The following PTPRN2 variants were observed in gnomAD, a reference collection of about 807,000 sequenced individuals.
PTPRN2 encodes receptor-type tyrosine-protein phosphatase N2.
Under a neutral mutation model 118.8 loss-of-function variants are expected in PTPRN2, and 74 were observed. That is an observed-to-expected ratio of 0.62 (90% confidence interval 0.52 to 0.76). PTPRN2 has a LOEUF of 0.76. Ranked by LOEUF, PTPRN2 falls within the 30% of genes least tolerant of loss-of-function variation. The probability of loss-of-function intolerance (pLI) is 0.00; values close to 1 mark genes in which losing one functional copy is unlikely to be tolerated. For missense variants in PTPRN2, 1,481 were observed against 1,394.4 expected (o/e 1.06, Z -0.99); for synonymous variants, 641 against 608.0 (o/e 1.05, Z -0.80).
At chr7:158,468,065 A>T (rs1346384481) in intron 2 of PTPRN2, among the ~76,000 whole-genome samples, 1 of 152,200 alleles carries the variant, frequency 6.6e-6, no homozygotes, top group Non-Finnish European at 1.5e-5. Context: ...TATAAGCAAA[A>T]ATTGTGGCAT....
At chr7:158,100,844 T>C (rs1815175185) in intron 10 of PTPRN2, among the ~76,000 whole-genome samples, 1 of 152,204 alleles carries the variant, frequency 6.6e-6, no homozygotes, top group Non-Finnish European at 1.5e-5. Context: ...CTCTTTGGGT[T>C]GTCTGTATAC....
At chr7:157,742,495 T>C (rs1800693022) in intron 12 of PTPRN2, among the ~76,000 whole-genome samples, 1 of 152,140 alleles carries the variant, frequency 6.6e-6, no homozygotes, top group South Asian at 2.1e-4. Flanking sequence ...TTTTTTTTTT[T>C]TTTTCCAGAA....
At chr7:157,561,691 TC>T (rs1450088847) in intron 21 of PTPRN2, among the ~76,000 whole-genome samples, 1 of 152,250 alleles carries the variant, frequency 6.6e-6, no homozygotes, top group Non-Finnish European at 1.5e-5. Flanking sequence ...TGAAAAGCTT[TC>T]TGTGGGTCCT....
chr7:157,889,984 G>A (rs1796706031), intron 12 of PTPRN2, among the ~76,000 whole-genome samples: 1 of 152,010 alleles, frequency 6.6e-6, no homozygotes, highest in Non-Finnish European at 1.5e-5. Flanking sequence ...TAAGTTTAGA[G>A]TTCTCAAAAT....
rs552028532 is a variant in PTPRN2 at position 157,751,670 on chromosome 7, C to T, written c.1789-68733G>A. ...CTGTTTAATTGAGGTTACTCTGCAC[C>T]GCTGACACGCGGTGGAAAGCCCGAC... On this transcript the variant is annotated intron_variant, in intron 12 of 22. Coordinates refer to ENST00000389418, the MANE Select transcript of PTPRN2 (RefSeq NM_002847.5). 2.4e-4 allele frequency among the ~76,000 whole-genome samples: 37 copies of T among 152,130 alleles called. No homozygotes were observed. In the East Asian group the frequency reaches 2.7e-3, roughly 11 times the overall value.
intron 1 of PTPRN2, among the ~76,000 whole-genome samples, chr7:158,501,900 C>A (rs1435080715): frequency 6.6e-6 from 1 of 152,202 alleles, no homozygotes; most frequent in Non-Finnish European, 1.5e-5. Flanking sequence ...CAGCTCACAT[C>A]GTGGCTTCTA....
At chr7:157,975,422 G>A (rs999462026) in intron 11 of PTPRN2, among the ~76,000 whole-genome samples, 2 of 152,126 alleles carry the variant, frequency 1.3e-5, no homozygotes, top group Non-Finnish European at 2.9e-5. Context: ...GTCGGCTCAG[G>A]TCACCATTGT....
intron 11 of PTPRN2, among the ~76,000 whole-genome samples, chr7:158,076,653 C>A (rs557849749): frequency 2.0e-5 from 3 of 152,210 alleles, no homozygotes; most frequent in Non-Finnish European, 4.4e-5. Flanking sequence ...GCACACTGGA[C>A]CCCACATCCA....
chr7:158,213,050 T>C (rs753528265), intron 3 of PTPRN2, among the ~76,000 whole-genome samples: 10 of 152,226 alleles, frequency 6.6e-5, no homozygotes, highest in African/African-American at 2.2e-4. Flanking sequence ...AATTTGTACA[T>C]GTTAGATCTT....
At chr7:157,565,992 G>A (rs540637350) in intron 21 of PTPRN2, among the ~76,000 whole-genome samples, 2 of 152,276 alleles carry the variant, frequency 1.3e-5, no homozygotes, top group Middle Eastern at 3.4e-3. Context: ...CTGCATCATC[G>A]TCTACTTGCT....
At chr7:158,016,833 T>G (rs540564423) in intron 11 of PTPRN2, among the ~76,000 whole-genome samples, 141 of 152,330 alleles carry the variant, frequency 9.3e-4, no homozygotes, top group African/African-American at 3.1e-3. Flanking sequence ...CTGGCTACGC[T>G]GAATATGAAA....
At chr7:158,017,618 G>A (rs1806547042) in intron 11 of PTPRN2, among the ~76,000 whole-genome samples, 2 of 152,166 alleles carry the variant, frequency 1.3e-5, no homozygotes, top group South Asian at 4.1e-4. Context: ...TGATGCTGAC[G>A]TTGACTAACT....
At chr7:158,475,164 C>T (rs1023989672) in intron 2 of PTPRN2, among the ~76,000 whole-genome samples, 2 of 148,886 alleles carry the variant, frequency 1.3e-5, no homozygotes, top group East Asian at 4.0e-4. Context: ...GGGCTCAGGA[C>T]CCGAAAAGCA....
At chr7:158,066,600 T>C (rs1366818867) in intron 11 of PTPRN2, among the ~76,000 whole-genome samples, 1 of 152,116 alleles carries the variant, frequency 6.6e-6, no homozygotes, top group African/African-American at 2.4e-5. Flanking sequence ...AGACAGAAAG[T>C]AGTTTTCCCT....
intron 6 of PTPRN2, among the ~76,000 whole-genome samples, chr7:158,142,325 C>T (rs1343122684): frequency 6.6e-6 from 1 of 152,216 alleles, no homozygotes; most frequent in Non-Finnish European, 1.5e-5. Flanking sequence ...TCAAGCTGGG[C>T]AGTCCTGTCC....
intron 2 of PTPRN2, among the ~76,000 whole-genome samples, chr7:158,336,751 C>T (rs1396380343): frequency 4.1e-3 from 421 of 101,834 alleles, no homozygotes; most frequent in African/African-American, 0.015. Flanking sequence ...ACGTCACTCA[C>T]ACCCACAGTC....
intron 11 of PTPRN2, among the ~76,000 whole-genome samples, chr7:158,057,559 G>A (rs181766403): frequency 5.6e-4 from 86 of 152,292 alleles, no homozygotes; most frequent in African/African-American, 1.9e-3. Context: ...GGAAACACAC[G>A]TAACGCTGTG....
In PTPRN2 at chr7:158,015,330, G is replaced by A. The variant is rs1806366045; in HGVS notation, c.1723+65968C>T. On this transcript the variant is annotated intron_variant, in intron 11 of 22. Coordinates refer to ENST00000389418, the MANE Select transcript of PTPRN2 (RefSeq NM_002847.5). This position sits in a 1 kb window ranked among gnomAD's most constrained non-coding sequence, Gnocchi z 4.2. The stretch of plus-strand genomic sequence containing the variant: ...CACTTGTTCTCTGATTGTTCATTTT[G>A]TTTTTAACCTAAAATGAACAAATCC... Among the ~76,000 whole-genome samples the A allele has an allele frequency of 6.6e-6, 1 of 152,056 alleles. No individual in the cohort carries two copies. Among genetic ancestry groups the A allele is most frequent in the Non-Finnish European group, 1.5e-5 (1 of 68,004 alleles).
Position 157,596,783 on chromosome 7 carries a change from T to G in PTPRN2, c.2419-1468A>C, listed in dbSNP as rs1801366588. Among the ~76,000 whole-genome samples, 2 of 152,242 alleles carry G rather than the reference T, an allele frequency of 1.3e-5. No homozygotes were observed. Among genetic ancestry groups the G allele is most frequent in the African/African-American group, 4.8e-5 (2 of 41,470 alleles). ...TGACGCACAGTCCTTTCTTCTATTG[T>G]GTCTAGGACTAAAATGGACTCTTTT... On this transcript the variant is annotated intron_variant, in intron 16 of 22. Coordinates refer to ENST00000389418, the MANE Select transcript of PTPRN2 (RefSeq NM_002847.5). This position sits in a 1 kb window ranked among gnomAD's most constrained non-coding sequence, Gnocchi z 4.2.
Sources: gnomAD v4.1 joint callset for allele counts (sites outside exome capture counted in the v4.1 genomes callset) on GRCh38, gnomAD v4.1.1 for gene constraint, Gnocchi (gnomAD v3.1) non-coding constraint, MANE v1.5 for transcripts, NCBI Gene and HGNC (gene_info 2026-07-23, HGNC 2026-07-21) for gene names.